Variants in ST3GAL4 observed in about 807,000 individuals in gnomAD.
The protein encoded by ST3GAL4 is CMP-N-acetylneuraminate-beta-galactosamide-alpha-2,3-sialyltransferase 4.
ST3GAL4 carries 24 observed loss-of-function variants against 42.6 expected under a neutral mutation model. The ratio of observed to expected loss-of-function variants is 0.56; its 90% CI spans 0.41 to 0.79. The LOEUF is 0.79. Ranked by LOEUF, ST3GAL4 falls within the 30% of genes least tolerant of loss-of-function variation. ST3GAL4 has a pLI of 0.00. For missense variants in ST3GAL4, 311 were observed against 430.8 expected (o/e 0.72, Z 2.46); for synonymous variants, 135 against 163.2 (o/e 0.83, Z 1.32).
At chr11:126,372,493 C>G (rs1220739146) in intron 1 of ST3GAL4, among the ~76,000 whole-genome samples, 2 of 151,398 alleles carry the variant, frequency 1.3e-5, no homozygotes, top group Non-Finnish European at 2.9e-5. Flanking sequence ...CTCAGCTCAC[C>G]ACAACCTCTG....
At chr11:126,365,783 C>T (rs904234284) in intron 1 of ST3GAL4, among the ~76,000 whole-genome samples, 8 of 152,198 alleles carry the variant, frequency 5.3e-5, no homozygotes, top group Admixed American at 3.9e-4. Context: ...AGGACAGTCC[C>T]TGTCACTGGG....
At chr11:126,368,555 T>G (rs1952521580) in intron 1 of ST3GAL4, among the ~76,000 whole-genome samples, 1 of 152,170 alleles carries the variant, frequency 6.6e-6, no homozygotes, top group Non-Finnish European at 1.5e-5. Flanking sequence ...GTGGCTCTCC[T>G]GGGACACAGG....
intron 1 of ST3GAL4, among the ~76,000 whole-genome samples, chr11:126,364,762 G>T (rs1952367088): frequency 6.6e-6 from 1 of 151,200 alleles, no homozygotes; most frequent in Admixed American, 6.6e-5. Flanking sequence ...CTGCCAGGCT[G>T]GTCCCGGGCC....
chr11:126,369,248 C>CT (rs10690383), intron 1 of ST3GAL4, among the ~76,000 whole-genome samples: 20,877 of 150,546 alleles, frequency 0.14, 1,601 homozygotes, highest in East Asian at 0.29. Context: ...CTCTCTCTCT[C>CT]TTTTTTTTGG....
At position 126,410,538 on chromosome 11, in the gene ST3GAL4, A is replaced by G. The variant is rs1322046774; in HGVS notation, c.771+1127A>G. 6.6e-6 allele frequency among the ~76,000 whole-genome samples: 1 copy of G among 152,250 alleles called. No individual in the cohort carries two copies. The highest frequency in any genetic ancestry group is 1.5e-5 in the Non-Finnish European group (1 of 68,046). On this transcript the variant is annotated intron_variant, in intron 9 of 10. Transcript: ENST00000444328. This position sits in a 1 kb window ranked among gnomAD's most constrained non-coding sequence, Gnocchi z 5.3. ...TTTTAAGGCTGTTGTAGGAGTTTGA[A>G]AAATAATAATGATGTAAAATACCTA...
rs1252364119 is a variant in ST3GAL4, at chr11:126,359,274, T to C, written c.-61+3432T>C. On this transcript the variant is annotated intron_variant, in intron 1 of 10. Transcript: ENST00000444328. The surrounding 1 kb of genome is among the most constrained non-coding windows in gnomAD (Gnocchi z 4.8). ...TTACCATTTAGCAATCAGGCACTTA[T>C]TAAAAGCCTGGCCCAATAAACTTAA... Among the ~76,000 whole-genome samples the C allele has an allele frequency of 6.6e-6, 1 of 151,880 alleles. No homozygotes were observed. Among genetic ancestry groups the C allele is most frequent in the African/African-American group, 2.4e-5 (1 of 41,304 alleles).
intron 1 of ST3GAL4, among the ~76,000 whole-genome samples, chr11:126,388,660 G>GTTTTTTTTTTTTTTTT (rs10599019): frequency 2.5e-5 from 2 of 79,286 alleles, no homozygotes; most frequent in African/African-American, 5.4e-5. Context: ...TAGGTTTCTT[G>GTTTTTTTTTTTTTTTT]TTTTTTTTTT....
intron 1 of ST3GAL4, among the ~76,000 whole-genome samples, chr11:126,387,924 A>G (rs1457940687): frequency 1.3e-5 from 2 of 152,184 alleles, no homozygotes; most frequent in Non-Finnish European, 2.9e-5. Context: ...TATGGATACT[A>G]TGTTTTGGAG....
At chr11:126,395,781 C>T (rs546116756) in intron 1 of ST3GAL4, among the ~76,000 whole-genome samples, 3 of 152,292 alleles carry the variant, frequency 2.0e-5, no homozygotes, top group African/African-American at 4.8e-5. Flanking sequence ...TCCCCAGCCA[C>T]GTGGAACTGT....
intron 1 of ST3GAL4, among the ~76,000 whole-genome samples, chr11:126,404,677 G>A (rs1347455298): frequency 1.3e-5 from 2 of 152,322 alleles, no homozygotes; most frequent in African/African-American, 4.8e-5. Context: ...ATTACAAACT[G>A]ATCACTTTTC....
chr11:126,369,568 C>G (rs1952563205), intron 1 of ST3GAL4, among the ~76,000 whole-genome samples: 1 of 152,084 alleles, frequency 6.6e-6, no homozygotes, highest in Non-Finnish European at 1.5e-5. Context: ...TTTTAAAATC[C>G]CTATTTACCC....
intron 1 of ST3GAL4, among the ~76,000 whole-genome samples, chr11:126,372,533 C>A (rs1952697051): frequency 6.6e-6 from 1 of 151,826 alleles, no homozygotes; most frequent in African/African-American, 2.4e-5. Flanking sequence ...TCTCCTGCCT[C>A]AGCTTCCCGA....
In ST3GAL4 at chr11:126,400,980, A is replaced by G. The variant is rs1234757164; in HGVS notation, c.-60-5116A>G. ...GTAGAACTGATAATATTTAGTAACC[A>G]TGGGGGGATGAAAGAGGGAGGTGTT... On this transcript the variant is annotated intron_variant, in intron 1 of 10. Transcript: ENST00000444328. This position sits in a 1 kb window ranked among gnomAD's most constrained non-coding sequence, Gnocchi z 4.6. Among the ~76,000 whole-genome samples the G allele has an allele frequency of 3.9e-5, 6 of 151,928 alleles. No homozygotes were observed.
In ST3GAL4 at chr11:126,406,911, G is replaced by A; in HGVS notation, c.102-32G>A. 1 of 1,598,666 alleles carries A rather than the reference G, an allele frequency of 6.3e-7. No individual in the cohort carries two copies. ...AACATGGGTCCCTGGGTCTGACTGG[G>A]GCTTCTGCCTCCTGTCCTTTTTTCT... On this transcript the variant is annotated intron_variant, in intron 3 of 10. Transcript: ENST00000444328. The surrounding 1 kb of genome is among the most constrained non-coding windows in gnomAD (Gnocchi z 5.4).
intron 1 of ST3GAL4, among the ~76,000 whole-genome samples, chr11:126,385,302 A>G (rs1217262618): frequency 6.6e-6 from 1 of 151,462 alleles, no homozygotes; most frequent in African/African-American, 2.4e-5. Flanking sequence ...ACAGGCGCCC[A>G]CCACCACACC....
rs143967883 is a variant in ST3GAL4, at chr11:126,412,589, C to A, written c.772-916C>A. Among the ~76,000 whole-genome samples the A allele has an allele frequency of 4.8e-3, 729 of 152,316 alleles. 6 individuals carry two copies. The highest frequency in any genetic ancestry group is 7.9e-3 in the Non-Finnish European group (535 of 68,030). ...AGCCACCATGGCTCACGCCTGTAAT[C>A]CCAGCGCTTTGGGAGGCAGAGGTGG... On this transcript the variant is annotated intron_variant, in intron 9 of 10. Coordinates refer to ENST00000444328, the MANE Select transcript of ST3GAL4 (RefSeq NM_001254757.2).
chr11:126,395,975 G>A lies in ST3GAL4; in HGVS notation c.-60-10121G>A, dbSNP rs532126653. Reference sequence around the variant, plus strand: ...GAGCAAGGACCCGGGCTCTCCCCGTGAGTGAGAAGAGTCCATGGGGTTTTG... The same window carrying A: ...GAGCAAGGACCCGGGCTCTCCCCGTAAGTGAGAAGAGTCCATGGGGTTTTG... On this transcript the variant is annotated intron_variant, in intron 1 of 10. Transcript: ENST00000444328. Among the ~76,000 whole-genome samples, 198 of 151,178 alleles carry A rather than the reference G, an allele frequency of 1.3e-3. 1 individual carries two copies. Among genetic ancestry groups the A allele is most frequent in the South Asian group, 0.011 (52 of 4,822 alleles).
Position 126,392,288 on chromosome 11 carries a change from C to T in ST3GAL4, c.-60-13808C>T, listed in dbSNP as rs1173283677. 1.0e-6 allele frequency: 1 copy of T among 985,062 alleles called. No individual in the cohort carries two copies. Among genetic ancestry groups the T allele is most frequent in the Admixed American group, 6.2e-5 (1 of 16,260 alleles). The allele number at this position is 985,062 out of a possible 1,614,324, so 61.0% of individuals were successfully genotyped here. On this transcript the variant is annotated intron_variant, in intron 1 of 10. Transcript: ENST00000444328. The surrounding 1 kb of genome is among the most constrained non-coding windows in gnomAD (Gnocchi z 5.8). Reference sequence around the variant, plus strand: ...TTAGGGTGTCCTCAAGCCTGCAGCTCTCCTGGGACTGCACAGAGTTTACTG... The same window carrying T: ...TTAGGGTGTCCTCAAGCCTGCAGCTTTCCTGGGACTGCACAGAGTTTACTG...
chr11:126,358,248 G>T (rs1179116781), intron 1 of ST3GAL4, among the ~76,000 whole-genome samples: 1 of 152,254 alleles, frequency 6.6e-6, no homozygotes, highest in Non-Finnish European at 1.5e-5. Flanking sequence ...GCCCCTGCTG[G>T]TGGTTTAGCT....
Sources: gnomAD v4.1 joint callset for allele counts (sites outside exome capture counted in the v4.1 genomes callset) on GRCh38, gnomAD v4.1.1 for gene constraint, Gnocchi (gnomAD v3.1) non-coding constraint, MANE v1.5 for transcripts, NCBI Gene and HGNC (gene_info 2026-07-23, HGNC 2026-07-21) for gene names.